The following DRC7 variants were observed in gnomAD, a reference collection of about 807,000 sequenced individuals.
The protein encoded by DRC7 is dynein regulatory complex subunit 7.
DRC7 carries 80 observed loss-of-function variants against 104.4 expected under a neutral mutation model. The observed-to-expected ratio is 0.77, with a 90% CI of 0.64 to 0.92. DRC7 has a LOEUF of 0.92. DRC7 is among the 40% of genes least tolerant of loss of function. The pLI is 0.00. For synonymous variants in DRC7, 405 were observed against 447.3 expected (o/e 0.91, Z 1.19); for missense variants, 1,034 against 1,141.1 (o/e 0.91, Z 1.35).
chr16:57,721,766 T>C, intron 10 of DRC7, 27 bp downstream of exon 10: 4 of 1,581,868 alleles, frequency 2.5e-6, no homozygotes, highest in Non-Finnish European at 3.5e-6. Flanking sequence ...TATTCACTTA[T>C]CCTCTCCAGA....
At chr16:57,711,962 GT>G (rs1485928431) in intron 8 of DRC7, among the ~76,000 whole-genome samples, 1 of 152,222 alleles carries the variant, frequency 6.6e-6, no homozygotes, top group Non-Finnish European at 1.5e-5. Flanking sequence ...CTTAGGAGCA[GT>G]TTAGGGAGGG....
chr16:57,703,718 G>A (rs1288926635), intron 6 of DRC7, among the ~76,000 whole-genome samples: 1 of 152,188 alleles, frequency 6.6e-6, no homozygotes, highest in Non-Finnish European at 1.5e-5. Flanking sequence ...TGTAATCTCA[G>A]CATTTTGGGA....
chr16:57,724,029 G>A (rs186718270), intron 12 of DRC7, among the ~76,000 whole-genome samples: 126 of 152,198 alleles, frequency 8.3e-4, no homozygotes, highest in Middle Eastern at 3.4e-3. Context: ...ACCATAAAAC[G>A]TGTACGCTTT....
intron 7 of DRC7, among the ~76,000 whole-genome samples, chr16:57,705,805 T>TCC (rs1555573012): frequency 1.2e-4 from 8 of 64,702 alleles, no homozygotes; most frequent in South Asian, 5.6e-4. Context: ...CATCCTCCCA[T>TCC]TTCTCCTCCC....
chr16:57,700,350 C>A, intron 5 of DRC7, 80 bp downstream of exon 5: 1 of 1,524,144 alleles, frequency 6.6e-7, no homozygotes, highest in Non-Finnish European at 8.9e-7. Flanking sequence ...CATCCAAACC[C>A]AAAGAATGGA....
At chr16:57,725,719 A>ATT (rs2048954747) in intron 13 of DRC7, 1 of 250,300 alleles carries the variant, frequency 4.0e-6, no homozygotes, top group African/African-American at 2.2e-5. Flanking sequence ...ATTAGTTGGC[A>ATT]ACTGTGTGTA....
chr16:57,711,985 T>C (rs2048795379), intron 8 of DRC7, among the ~76,000 whole-genome samples: 1 of 152,224 alleles, frequency 6.6e-6, no homozygotes, highest in Non-Finnish European at 1.5e-5. Context: ...CAGAATCTTG[T>C]AGCCTCCAGC....
intron 7 of DRC7, among the ~76,000 whole-genome samples, chr16:57,706,426 C>G (rs139731581): frequency 2.9e-4 from 41 of 142,370 alleles, no homozygotes; most frequent in Middle Eastern, 9.8e-3. Context: ...TCCCACTCAT[C>G]CTCCCATCCA....
At chr16:57,726,341 G>A (rs1294609872) in intron 14 of DRC7, 58 bp downstream of exon 14, 1 of 1,457,214 alleles carries the variant, frequency 6.9e-7, no homozygotes, top group African/African-American at 1.4e-5. Flanking sequence ...GGGGCTCTCT[G>A]TCTTATTCCA....
intron 8 of DRC7, among the ~76,000 whole-genome samples, chr16:57,712,306 G>A (rs533770415): frequency 2.6e-5 from 4 of 152,290 alleles, no homozygotes; most frequent in Non-Finnish European, 5.9e-5. Flanking sequence ...GCAAATTAAG[G>A]GGCAGATTAT....
Position 57,718,342 on chromosome 16 carries a change from A to G in DRC7, c.1078-5A>G. The stretch of plus-strand genomic sequence containing the variant: ...CACTCAGTTGACTGCCCTCATCCCC[A>G]ACAGGACTTGATCTTTGACCTGGGT... On this transcript the variant is annotated splice_region_variant and splice_polypyrimidine_tract_variant and intron_variant, in intron 8 of 18. Transcript: ENST00000360716. The G allele has an allele frequency of 1.2e-6, 2 of 1,613,734 alleles. No individual in the cohort carries two copies. The highest frequency in any genetic ancestry group is 8.5e-7 in the Non-Finnish European group (1 of 1,179,726).
At chr16:57,724,241 C>T (rs1184609579) in intron 12 of DRC7, among the ~76,000 whole-genome samples, 5 of 140,896 alleles carry the variant, frequency 3.5e-5, no homozygotes, top group East Asian at 2.2e-4. Flanking sequence ...ACCCAGGTGG[C>T]GGAGACTGCG....
At chr16:57,706,410 C>A (rs2048727968) in intron 7 of DRC7, among the ~76,000 whole-genome samples, 1 of 143,420 alleles carries the variant, frequency 7.0e-6, no homozygotes, top group Admixed American at 6.9e-5. Flanking sequence ...TCCCATCCAT[C>A]CATTGTCCCA....
chr16:57,728,822 G>GTGGA (rs1375020370), intron 17 of DRC7, among the ~76,000 whole-genome samples: 12 of 106,084 alleles, frequency 1.1e-4, no homozygotes, highest in African/African-American at 3.2e-4. Flanking sequence ...GGGTGGGTGG[G>GTGGA]TGGATGGATG....
At chr16:57,725,947 C>T in intron 13 of DRC7, 121 bp from the exon 14 acceptor site, 1 of 828,178 alleles carries the variant, frequency 1.2e-6, no homozygotes, top group Non-Finnish European at 2.0e-6. Flanking sequence ...CCACGTGAAT[C>T]GCCAAACGAC....
intron 8 of DRC7, chr16:57,708,008 T>C (rs1440882117): frequency 1.1e-5 from 4 of 370,258 alleles, no homozygotes; most frequent in Non-Finnish European, 1.5e-5. Flanking sequence ...CCCACAAATT[T>C]AACACACCTT....
chr16:57,716,019 T>C (rs2048838998), intron 8 of DRC7, among the ~76,000 whole-genome samples: 1 of 151,932 alleles, frequency 6.6e-6, no homozygotes, highest in Non-Finnish European at 1.5e-5. Flanking sequence ...TAGCGAGGGG[T>C]TGGAGGAGGA....
chr16:57,717,629 G>T (rs1226872963), intron 8 of DRC7, among the ~76,000 whole-genome samples: 8 of 151,392 alleles, frequency 5.3e-5, no homozygotes, highest in African/African-American at 1.9e-4. Context: ...AACCTGGGAG[G>T]CAGAGGTTGC....
chr16:57,720,382 A>G (rs2048890183), intron 9 of DRC7, among the ~76,000 whole-genome samples: 1 of 152,222 alleles, frequency 6.6e-6, no homozygotes, highest in South Asian at 2.1e-4. Context: ...AAATGTTCTC[A>G]GCATCCTCAT....
Sources: gnomAD v4.1 joint callset for allele counts (sites outside exome capture counted in the v4.1 genomes callset) on GRCh38, gnomAD v4.1.1 for gene constraint, MANE v1.5 for transcripts, NCBI Gene and HGNC (gene_info 2026-07-23, HGNC 2026-07-21) for gene names.